Variants in HCFC1 observed in about 807,000 individuals in gnomAD.
HCFC1 encodes the protein host cell factor C1.
In HCFC1, 7 loss-of-function variants were observed where a neutral mutation model predicts 105.5. That is an observed-to-expected ratio of 0.07 (90% CI 0.04 to 0.12). HCFC1 has a LOEUF of 0.12. Ranked by LOEUF, HCFC1 falls within the 10% of genes least tolerant of loss-of-function variation. The probability of loss-of-function intolerance (pLI) is 1.00; values close to 1 mark genes in which losing one functional copy is unlikely to be tolerated. For missense variants in HCFC1, 1,065 were observed against 1,823.6 expected, an observed-to-expected ratio of 0.58 and a Z score of 7.58; for synonymous variants, 918 against 828.1, an observed-to-expected ratio of 1.11 and a Z score of -1.86.
Position 153,954,842 on chromosome X carries a change from G to A in HCFC1, c.3557C>T (p.Pro1186Leu). The change falls in exon 17 of 26, where the codon CCG becomes CTG. Residue 1186 changes from proline (P) to leucine (L), a missense_variant. Around this residue, in one of 17 missense-constraint regions of HCFC1, gnomAD observed 546 missense variants for 599.9 expected, o/e 0.91. Coordinates refer to ENST00000310441, the MANE Select transcript of HCFC1 (RefSeq NM_005334.3). ...TTMTVMATGA[P>L]CSAGPLLGPS... is the part of the protein sequence containing the mutation. Reference sequence around the variant, plus strand: ...CCCAAGGAGTGGGCCGGCCGAGCACGGGGCCCCGGTGGCCATCACAGTCAT... The same window carrying A: ...CCCAAGGAGTGGGCCGGCCGAGCACAGGGCCCCGGTGGCCATCACAGTCAT... 5 of 1,150,848 alleles carry A rather than the reference G, an allele frequency of 4.3e-6. No homozygotes were observed. Among genetic ancestry groups the A allele is most frequent in the East Asian group, 3.2e-5 (1 of 30,838 alleles). The allele number at this position is 1,150,848 out of a possible 1,213,427, so 94.8% of individuals were successfully genotyped here. A position where few individuals can be genotyped will look rare whatever the true frequency, so the allele number is the denominator to read the frequency against.
At chrX:153,962,501 C>T (rs1557117277) in intron 4 of HCFC1, among the ~76,000 whole-genome samples, 195 bp from the exon 5 acceptor site, 2 of 112,283 alleles carry the variant, frequency 1.8e-5, no homozygotes, top group African/African-American at 6.5e-5. Context: ...CGGTTTCGAC[C>T]AGGCTAGCAA....
intron 1 of HCFC1, among the ~76,000 whole-genome samples, chrX:153,967,634 C>T (rs1435675024): frequency 8.9e-6 from 1 of 112,228 alleles, no homozygotes; most frequent in Non-Finnish European, 1.9e-5. Context: ...GACAAACACC[C>T]TAGAAGAGCT....
In HCFC1 at chrX:153,958,252, G is replaced by A. The variant is rs2065396789; in HGVS notation, c.1804-3C>T. 1.7e-6 allele frequency: 2 copies of A among 1,193,970 alleles called. No individual in the cohort carries two copies. Among genetic ancestry groups the A allele is most frequent in the East Asian group, 3.0e-5 (1 of 33,671 alleles). ...ATGCGAGTGGCAGGGTTGCTCACCTGGAGGAGGCAGAGACGAGTGACAGGC... is the reference window on the plus strand; with the variant it reads ...ATGCGAGTGGCAGGGTTGCTCACCTAGAGGAGGCAGAGACGAGTGACAGGC... On this transcript the variant is annotated splice_polypyrimidine_tract_variant and splice_region_variant and intron_variant, in intron 10 of 25. Coordinates refer to ENST00000310441, the MANE Select transcript of HCFC1 (RefSeq NM_005334.3).
At chrX:153,957,612 C>T in intron 12 of HCFC1, 79 bp from the exon 13 acceptor site, 2 of 897,833 alleles carry the variant, frequency 2.2e-6, no homozygotes, top group Middle Eastern at 3.4e-4. Context: ...CCGCCGGCAG[C>T]CTTGGCGGCT....
intron 16 of HCFC1, 57 bp downstream of exon 16, chrX:153,956,134 C>A (rs782294136): frequency 8.4e-5 from 89 of 1,065,407 alleles, no homozygotes; most frequent in Non-Finnish European, 1.0e-4. Flanking sequence ...GTGAGCCTCA[C>A]GTGCTTCCAC....
Position 153,963,334 on chromosome X carries a change from C to T in HCFC1, c.603G>A (p.Glu201=), listed in dbSNP as rs1557117495. The part of the protein sequence containing the change: ...ITYGVLPPPR[E]SHTAVVYTEK... ...CGGTGTAGACCACGGCAGTATGTGA[C>T]TCCCGGGGTGGTGGTAGGACCCCGT... The change falls in exon 4 of 26, where the codon GAG becomes GAA. Residue 201 remains glutamate, a synonymous_variant. Transcript: ENST00000310441. 4 of 1,208,959 alleles carry T rather than the reference C, an allele frequency of 3.3e-6. No individual in the cohort carries two copies. In the South Asian group the frequency reaches 5.3e-5, roughly 16 times the overall value.
chrX:153,967,030 G>A (rs1291590451), intron 1 of HCFC1, among the ~76,000 whole-genome samples: 1 of 112,142 alleles, frequency 8.9e-6, no homozygotes, highest in African/African-American at 3.2e-5. Context: ...CAGGGCAGGG[G>A]CCCTCCCCAC....
chrX:153,955,120 G>A lies in HCFC1; in HGVS notation c.3279C>T (p.Thr1093=), dbSNP rs782250826. The A allele has an allele frequency of 1.5e-5, 18 of 1,206,909 alleles. No homozygotes were observed. The highest frequency in any genetic ancestry group is 1.2e-4 in the East Asian group (4 of 33,599). Residue 1093 remains threonine (T), a synonymous_variant, in exon 17 of 26, where the codon ACC becomes ACT. Transcript: ENST00000310441. The stretch of plus-strand genomic sequence containing the variant: ...GCTGCCCGGCCATGTTGGAGGTGGC[G>A]GTGGTGGCGGTGTTGGTGGTGCCCG... The part of the protein sequence containing the change: ...HETGTTNTAT[T]ATSNMAGQHG...
chrX:153,949,461 G>A (rs937521673), intron 25 of HCFC1, 75 bp from the exon 26 acceptor site: 94 of 1,130,850 alleles, frequency 8.3e-5, no homozygotes, highest in Admixed American at 1.8e-4. Context: ...GTGCAGGGCC[G>A]GTTAGGGGCC....
At chrX:153,967,360 T>C (rs1297432849) in intron 1 of HCFC1, among the ~76,000 whole-genome samples, 1 of 111,770 alleles carries the variant, frequency 8.9e-6, no homozygotes, top group Non-Finnish European at 1.9e-5. Flanking sequence ...CCCCGGCCTC[T>C]CTGTGTTTCA....
rs782075324 is a variant in HCFC1 at position 153,948,492 on chromosome X, A to G, written c.*855T>C. Reference sequence around the variant, plus strand: ...CCAAGAAGAAAAAAGTAAAAAAACAAAAACAAAACAAAACAAAACAAAAAA... The same window carrying G: ...CCAAGAAGAAAAAAGTAAAAAAACAGAAACAAAACAAAACAAAACAAAAAA... On this transcript the variant is annotated 3_prime_UTR_variant, in exon 26 of 26. Coordinates refer to ENST00000310441, the MANE Select transcript of HCFC1 (RefSeq NM_005334.3). 1 of 106,201 alleles carries G rather than the reference A, an allele frequency of 9.4e-6. No homozygotes were observed. Among genetic ancestry groups the G allele is most frequent in the South Asian group, 3.6e-4 (1 of 2,747 alleles). The allele number at this position is 106,201 out of a possible 1,213,427, so 8.8% of individuals were successfully genotyped here. A position where few individuals can be genotyped will look rare whatever the true frequency, so the allele number is the denominator to read the frequency against.
rs782683169 is a variant in HCFC1, at chrX:153,956,844, G to T, written c.2496+74C>A. 5.0e-6 allele frequency: 6 copies of T among 1,201,840 alleles called. No homozygotes were observed. The African/African-American group carries it at 1.0e-4, about 21-fold the overall frequency. On this transcript the variant is annotated intron_variant, in intron 14 of 25. Coordinates refer to ENST00000310441, the MANE Select transcript of HCFC1 (RefSeq NM_005334.3). ...CGATGCTGCCCCTCCCAGGCCTGTC[G>T]GGAGGACCTGCGTGGCGTGCTGGGG...
chrX:153,954,202 G>A lies in HCFC1; in HGVS notation c.4197C>T (p.Val1399=). The change falls in exon 17 of 26, where the codon GTC becomes GTT. Residue 1399 remains valine, a synonymous_variant. Coordinates refer to ENST00000310441, the MANE Select transcript of HCFC1 (RefSeq NM_005334.3). ...GCAGCGCGGTGCCAGCCTGGGGGGT[G>A]ACGCTGGGTGCCGCCGCCACCTCTA... ...SGLEVAAAPS[V]TPQAGTALLA... 8.3e-7 allele frequency: 1 copy of A among 1,207,982 alleles called. No homozygotes were observed. Among genetic ancestry groups the A allele is most frequent in the Non-Finnish European group, 1.1e-6 (1 of 894,579 alleles).
intron 1 of HCFC1, chrX:153,969,521 A>T (rs2065504927): frequency 8.9e-6 from 1 of 112,989 alleles, no homozygotes; most frequent in Non-Finnish European, 1.9e-5. Flanking sequence ...GGGCAAGGCC[A>T]GGGTCCTGTG....
At position 153,968,942 on chromosome X, in the gene HCFC1, C is replaced by T. The variant is rs1603299044; in HGVS notation, c.193+1706G>A. Among the ~76,000 whole-genome samples, 7 of 111,481 alleles carry T rather than the reference C, an allele frequency of 6.3e-5. 1 individual carries two copies. The Admixed American group carries it at 6.6e-4, about 10-fold the overall frequency. ...AGCTGCCTGGGCTGGCGCGGGGCACCACCAACCACCAAGCGCCCCCGCCCG... is the reference window on the plus strand; with the variant it reads ...AGCTGCCTGGGCTGGCGCGGGGCACTACCAACCACCAAGCGCCCCCGCCCG... On this transcript the variant is annotated intron_variant, in intron 1 of 25. Transcript: ENST00000310441.
intron 1 of HCFC1, among the ~76,000 whole-genome samples, chrX:153,967,920 T>G (rs1175784925): frequency 9.0e-6 from 1 of 111,036 alleles, no homozygotes; most frequent in African/African-American, 3.3e-5. Flanking sequence ...ATGGAGGCAT[T>G]TCAAAGGTGA....
chrX:153,970,553 G>A (rs1341473045), intron 1 of HCFC1, 95 bp downstream of exon 1: 3 of 567,409 alleles, frequency 5.3e-6, no homozygotes, highest in Admixed American at 4.0e-5. Flanking sequence ...AGGGAGGAGA[G>A]GGAGGGAGCA....
chrX:153,959,422 G>T lies in HCFC1; in HGVS notation c.1514C>A (p.Pro505His), dbSNP rs1557116081. 8.3e-7 allele frequency: 1 copy of T among 1,211,489 alleles called. No homozygotes were observed. Among genetic ancestry groups the T allele is most frequent in the South Asian group, 1.8e-5 (1 of 56,910 alleles). Residue 505 changes from proline to histidine, a missense_variant, in exon 9 of 26, where the codon CCT (proline) becomes CAT (histidine). Around this residue, in one of 17 missense-constraint regions of HCFC1, gnomAD observed 101 missense variants for 155.1 expected, o/e 0.65. Transcript: ENST00000310441. ...AGGGGCTTTCCCAGCCTGGCTGGCA[G>T]GTCGCATGGTGACCAATGGAGTTCC... ...TTGTPLVTMR[P>H]ASQAGKAPVT...
Position 153,952,527 on chromosome X carries a change from C to T in HCFC1, c.4929G>A (p.Gln1643=). 1 of 1,164,413 alleles carries T rather than the reference C, an allele frequency of 8.6e-7. No homozygotes were observed. The highest frequency in any genetic ancestry group is 2.0e-5 in the South Asian group (1 of 50,984). ...LAIQAVLQAA[Q]QAVMGTGEPM... is the part of the protein sequence containing the mutation. ...ACCGGCACTCACCCATGACGGCCTG[C>T]TGCGCGGCCTGGAGCACCGCCTGGA... The change falls in exon 19 of 26, where the codon CAG becomes CAA. Residue 1643 remains glutamine (Q), a synonymous_variant. Coordinates refer to ENST00000310441, the MANE Select transcript of HCFC1 (RefSeq NM_005334.3).
Sources: allele counts gnomAD v4.1 joint callset (sites outside exome capture counted in the v4.1 genomes callset), GRCh38; gene constraint gnomAD v4.1.1; regional missense constraint gnomAD v4.1.1; transcripts MANE v1.5; gene names NCBI Gene and HGNC (gene_info 2026-07-23, HGNC 2026-07-21).